Variants in ARHGEF28 observed in about 807,000 individuals in gnomAD.
ARHGEF28 encodes the protein 190 kDa guanine nucleotide exchange factor.
ARHGEF28 carries 152 observed loss-of-function variants against 206.6 expected under a neutral mutation model. That is an observed-to-expected ratio of 0.74 (90% CI 0.64 to 0.84). The LOEUF (loss-of-function observed/expected upper bound fraction) is 0.84. Among genes scored for constraint, ARHGEF28 ranks in the 40% least tolerant of loss-of-function variants. ARHGEF28 has a pLI of 0.00. For synonymous variants in ARHGEF28, 763 were observed against 776.4 expected, an observed-to-expected ratio of 0.98 and a Z score of 0.29; for missense variants, 2,028 against 2,073.2, an observed-to-expected ratio of 0.98 and a Z score of 0.42.
chr5:73,716,734 A>G (rs1580520555), intron 2 of ARHGEF28, among the ~76,000 whole-genome samples: 1 of 152,216 alleles, frequency 6.6e-6, no homozygotes, highest in Non-Finnish European at 1.5e-5. Context: ...TCAGTGCTCA[A>G]TGATGAAGGC....
chr5:73,916,160 A>C (rs1238194472), intron 35 of ARHGEF28, among the ~76,000 whole-genome samples: 2 of 152,092 alleles, frequency 1.3e-5, no homozygotes, highest in Admixed American at 6.5e-5. Flanking sequence ...TGCCATACTT[A>C]GTATTTAAAT....
chr5:73,634,246 GTTTATCAA>G (rs1490004092), intron 1 of ARHGEF28, among the ~76,000 whole-genome samples: 1 of 152,170 alleles, frequency 6.6e-6, no homozygotes, highest in East Asian at 1.9e-4. Flanking sequence ...TCAGGTTGAT[GTTTATCAA>G]TTTCAAGTAG....
chr5:73,759,866 G>A (rs1752509021), intron 4 of ARHGEF28, among the ~76,000 whole-genome samples: 1 of 152,224 alleles, frequency 6.6e-6, no homozygotes, highest in African/African-American at 2.4e-5. Context: ...AACAAGAGAA[G>A]GGAATATGTG....
At chr5:73,855,688 C>T (rs959324171) in intron 14 of ARHGEF28, among the ~76,000 whole-genome samples, 6 of 151,076 alleles carry the variant, frequency 4.0e-5, no homozygotes, top group Non-Finnish European at 7.4e-5. Context: ...GCCAAGATCA[C>T]GCCATTGCAC....
rs1418073311 is a variant in ARHGEF28, at chr5:73,894,395, A to G, written c.3661A>G (p.Ile1221Val). 2 of 1,605,812 alleles carry G rather than the reference A, an allele frequency of 1.2e-6. No individual in the cohort carries two copies. Among genetic ancestry groups the G allele is most frequent in the South Asian group, 1.1e-5 (1 of 89,836 alleles). ...RVAKIQQCQE[I>V]LTNQDQQICA... ...CTATGGTAAATACTATTTCATAGAA[A>G]TACTCACTAACCAAGACCAACAAAT... Residue 1221 changes from isoleucine (I) to valine (V), a missense_variant and splice_region_variant, in exon 29 of 36, where the codon ATA becomes GTA. This residue lies in a region of ARHGEF28 where 803 missense variants were observed against 768.0 expected (regional missense o/e 1.05). Coordinates refer to ENST00000513042, the MANE Select transcript of ARHGEF28 (RefSeq NM_001177693.2).
chr5:73,748,502 C>T (rs765069777), intron 2 of ARHGEF28, among the ~76,000 whole-genome samples: 16 of 152,106 alleles, frequency 1.1e-4, no homozygotes, highest in African/African-American at 3.6e-4. Flanking sequence ...AACCCTACAC[C>T]GATTTTGTTT....
chr5:73,678,226 G>A (rs979321795), intron 1 of ARHGEF28, among the ~76,000 whole-genome samples: 1 of 152,064 alleles, frequency 6.6e-6, no homozygotes, highest in Non-Finnish European at 1.5e-5. Context: ...TCTACAATTA[G>A]TCTATGAAAT....
intron 2 of ARHGEF28, among the ~76,000 whole-genome samples, chr5:73,711,720 A>AT (rs975105028): frequency 2.6e-5 from 4 of 151,600 alleles, no homozygotes; most frequent in African/African-American, 7.3e-5. Flanking sequence ...GTGCTTTGAG[A>AT]TTTTTTTTAC....
Position 73,846,827 on chromosome 5 carries a change from C to T in ARHGEF28, c.1635+352C>T, listed in dbSNP as rs1016635487. 3.3e-5 allele frequency among the ~76,000 whole-genome samples: 5 copies of T among 152,250 alleles called. No homozygotes were observed. In the East Asian group the frequency reaches 9.7e-4, roughly 29 times the overall value. ...TATTAAATGAGTTTAAGTGATCAAA[C>T]TTGTTTTGCTCACGTAAATAATTGT... On this transcript the variant is annotated intron_variant, in intron 12 of 35. Coordinates refer to ENST00000513042, the MANE Select transcript of ARHGEF28 (RefSeq NM_001177693.2).
At chr5:73,852,300 G>A (rs919206253) in intron 13 of ARHGEF28, among the ~76,000 whole-genome samples, 2 of 152,160 alleles carry the variant, frequency 1.3e-5, no homozygotes, top group Non-Finnish European at 2.9e-5. Context: ...TAGGGCATTA[G>A]TGTTATGAAG....
chr5:73,793,824 A>G (rs1257018142), intron 7 of ARHGEF28, among the ~76,000 whole-genome samples: 2 of 147,514 alleles, frequency 1.4e-5, no homozygotes, highest in African/African-American at 5.0e-5. Flanking sequence ...TCTTCATCCC[A>G]GTACATCCTG....
At chr5:73,762,316 C>T (rs575596182) in intron 4 of ARHGEF28, among the ~76,000 whole-genome samples, 4 of 151,612 alleles carry the variant, frequency 2.6e-5, no homozygotes, top group South Asian at 2.1e-4. Context: ...ATTAGCCAGG[C>T]GTGGTGGTGC....
intron 35 of ARHGEF28, among the ~76,000 whole-genome samples, chr5:73,933,920 G>GTT (rs398064906): frequency 1.9e-3 from 267 of 140,030 alleles, no homozygotes; most frequent in African/African-American, 6.3e-3. Flanking sequence ...TCTCATAAAT[G>GTT]TTTTTTTTTT....
intron 1 of ARHGEF28, among the ~76,000 whole-genome samples, chr5:73,666,505 C>G (rs1298592775): frequency 6.6e-6 from 1 of 152,214 alleles, no homozygotes; most frequent in African/African-American, 2.4e-5. Context: ...CCCAGGCTGT[C>G]CCACGTGTCC....
At chr5:73,895,427 C>T (rs1038592407) in intron 29 of ARHGEF28, among the ~76,000 whole-genome samples, 7 of 152,084 alleles carry the variant, frequency 4.6e-5, no homozygotes, top group African/African-American at 1.4e-4. Context: ...GGAAGGCAAA[C>T]GAGTGGCTGA....
At chr5:73,938,202 C>CACAAT (rs1561211245) in intron 35 of ARHGEF28, among the ~76,000 whole-genome samples, 1 of 49,058 alleles carries the variant, frequency 2.0e-5, no homozygotes, top group Admixed American at 2.0e-4. Context: ...ACACACACAA[C>CACAAT]TCCCCATCCC....
At chr5:73,792,023 TTTAA>T (rs1456120876) in intron 7 of ARHGEF28, among the ~76,000 whole-genome samples, 3 of 152,220 alleles carry the variant, frequency 2.0e-5, no homozygotes, top group Non-Finnish European at 2.9e-5. Context: ...CCTAGAGCAA[TTTAA>T]TTAATCCATT....
At chr5:73,781,958 A>G (rs1753873273) in intron 7 of ARHGEF28, among the ~76,000 whole-genome samples, 1 of 152,108 alleles carries the variant, frequency 6.6e-6, no homozygotes, top group South Asian at 2.1e-4. Flanking sequence ...GAGAACCACC[A>G]AGCTTGATGC....
At chr5:73,809,231 GT>G (rs1175503254) in intron 9 of ARHGEF28, among the ~76,000 whole-genome samples, 2 of 150,938 alleles carry the variant, frequency 1.3e-5, no homozygotes, top group African/African-American at 4.9e-5. Context: ...ACAAAAAACT[GT>G]TTCAGTGTCT....
Sources: gnomAD v4.1 joint callset for allele counts (sites outside exome capture counted in the v4.1 genomes callset) on GRCh38, gnomAD v4.1.1 for gene constraint, gnomAD v4.1.1 regional missense constraint, MANE v1.5 for transcripts, NCBI Gene and HGNC (gene_info 2026-07-23, HGNC 2026-07-21) for gene names.